The following PLXNA4 variants were observed in gnomAD, a reference collection of about 807,000 sequenced individuals.
PLXNA4 encodes the protein plexin A4, also known as plexin-A4.
A neutral mutation model predicts 191.8 loss-of-function variants in PLXNA4; 44 were observed. The ratio of observed to expected loss-of-function variants is 0.23; its 90% CI spans 0.18 to 0.29. PLXNA4 has a LOEUF of 0.29. Ranked by LOEUF, PLXNA4 falls within the 10% of genes least tolerant of loss-of-function variation. The probability of loss-of-function intolerance (pLI) is 1.00; values close to 1 mark genes in which losing one functional copy is unlikely to be tolerated. For synonymous variants in PLXNA4, 1,082 were observed against 1,009.5 expected (o/e 1.07, Z -1.36); for missense variants, 1,800 against 2,488.8 (o/e 0.72, Z 5.89).
chr7:132,532,381 A>G (rs1205542158), intron 1 of PLXNA4, among the ~76,000 whole-genome samples: 1 of 152,204 alleles, frequency 6.6e-6, no homozygotes, highest in Non-Finnish European at 1.5e-5. Flanking sequence ...GAGAGTTTGC[A>G]TTTCTAGAAA....
chr7:132,286,811 T>C (rs147773216), intron 4 of PLXNA4, among the ~76,000 whole-genome samples: 86 of 152,306 alleles, frequency 5.6e-4, no homozygotes, highest in African/African-American at 1.9e-3. Context: ...AGAGACAACA[T>C]AGCTCTCTCT....
At chr7:132,619,832 G>A (rs1030506344) in intron 2 of PLXNA4, among the ~76,000 whole-genome samples, 5 of 146,580 alleles carry the variant, frequency 3.4e-5, no homozygotes, top group South Asian at 2.2e-4. Flanking sequence ...ACGGAGTCTC[G>A]CTCTATTGCC....
chr7:132,400,132 A>G (rs1167042607), intron 3 of PLXNA4, among the ~76,000 whole-genome samples: 2 of 152,148 alleles, frequency 1.3e-5, no homozygotes, highest in Admixed American at 6.5e-5. Flanking sequence ...ACAAATGCCT[A>G]CCTAGTCTGT....
chr7:132,333,033 C>T (rs914747757), intron 3 of PLXNA4, among the ~76,000 whole-genome samples: 5 of 152,198 alleles, frequency 3.3e-5, no homozygotes, highest in Admixed American at 6.5e-5. Flanking sequence ...CTGTTTACAA[C>T]CCACTAAACT....
intron 3 of PLXNA4, among the ~76,000 whole-genome samples, chr7:132,405,220 G>A (rs1007928884): frequency 2.0e-5 from 3 of 152,158 alleles, no homozygotes; most frequent in Non-Finnish European, 4.4e-5. Flanking sequence ...GGGAGGCAGG[G>A]CAGTGGAGCC....
intron 2 of PLXNA4, among the ~76,000 whole-genome samples, chr7:132,606,242 G>A (rs1261830878): frequency 6.6e-6 from 1 of 152,220 alleles, no homozygotes; most frequent in African/African-American, 2.4e-5. Flanking sequence ...TCTCCTGAGA[G>A]TTCCATAGGG....
In PLXNA4 at chr7:132,268,996, T is replaced by G. The variant is rs543879868; in HGVS notation, c.1504-27830A>C. ...AATACCTCCAAAAGTGGGGGCTATGTAAAAACAAAGTATTATTATTCTATT... is the reference window on the plus strand; with the variant it reads ...AATACCTCCAAAAGTGGGGGCTATGGAAAAACAAAGTATTATTATTCTATT... On this transcript the variant is annotated intron_variant, in intron 4 of 31. Transcript: ENST00000321063. Among the ~76,000 whole-genome samples the G allele has an allele frequency of 4.6e-5, 7 of 152,330 alleles. No homozygotes were observed. The East Asian group carries it at 1.4e-3, about 29-fold the overall frequency.
chr7:132,390,326 C>A (rs1805349456), intron 3 of PLXNA4, among the ~76,000 whole-genome samples: 1 of 152,018 alleles, frequency 6.6e-6, no homozygotes, highest in South Asian at 2.1e-4. Flanking sequence ...AACAGAAAAC[C>A]AAACACTGCA....
intron 5 of PLXNA4, among the ~76,000 whole-genome samples, chr7:132,234,079 G>A (rs185851034): frequency 1.3e-5 from 2 of 152,286 alleles, no homozygotes; most frequent in East Asian, 3.9e-4. Flanking sequence ...CAGAGCAGGA[G>A]TGGAGGGAGG....
At chr7:132,643,796 T>A (rs963249813) in intron 2 of PLXNA4, among the ~76,000 whole-genome samples, 4 of 152,060 alleles carry the variant, frequency 2.6e-5, no homozygotes, top group African/African-American at 7.2e-5. Context: ...AAAAAAATTT[T>A]AAAAAATTAC....
rs1562905112 is a variant in PLXNA4, at chr7:132,183,225, T to TGTGCGC, written c.3159-1036_3159-1035insGCGCAC. ...ACATGCGCGCACACACGCATGTGCG[T>TGTGCGC]GCACACACAGTGTAAGATTCCTGTG... On this transcript the variant is annotated intron_variant, in intron 16 of 31. Transcript: ENST00000321063. Among the ~76,000 whole-genome samples, 5 of 152,126 alleles carry TGTGCGC rather than the reference T, an allele frequency of 3.3e-5. No homozygotes were observed. The South Asian group carries it at 6.2e-4, about 19-fold the overall frequency.
chr7:132,586,013 TAA>T (rs2116819162), intron 2 of PLXNA4, among the ~76,000 whole-genome samples: 2 of 152,334 alleles, frequency 1.3e-5, no homozygotes, highest in South Asian at 4.1e-4. Flanking sequence ...CAAGGAAACG[TAA>T]GAGAGAATAT....
intron 4 of PLXNA4, among the ~76,000 whole-genome samples, chr7:132,269,809 G>A (rs935308683): frequency 6.6e-6 from 1 of 152,084 alleles, no homozygotes; most frequent in Non-Finnish European, 1.5e-5. Flanking sequence ...ACAGGAACAC[G>A]CTGCTGGGAT....
rs1251183976 is a variant in PLXNA4, at chr7:132,124,845, T to C, written c.*5634A>G. 2.0e-5 allele frequency: 3 copies of C among 152,260 alleles called. No individual in the cohort carries two copies. The highest frequency in any genetic ancestry group is 2.0e-4 in the Admixed American group (3 of 15,290). The allele number at this position is 152,260 out of a possible 1,614,324, so 9.4% of individuals were successfully genotyped here. ...GCCAATACAAACAGAAAGTTCTTTT[T>C]GTATATGAAGGATTTTGTTTCGTTT... On this transcript the variant is annotated 3_prime_UTR_variant, in exon 32 of 32. Coordinates refer to ENST00000321063, the MANE Select transcript of PLXNA4 (RefSeq NM_020911.2).
chr7:132,198,840 G>A (rs1797337620), intron 12 of PLXNA4, among the ~76,000 whole-genome samples: 1 of 152,150 alleles, frequency 6.6e-6, no homozygotes, highest in African/African-American at 2.4e-5. Flanking sequence ...GTGTCACTAG[G>A]AGCAGTATGC....
chr7:132,546,428 T>G (rs889716424), intron 1 of PLXNA4, among the ~76,000 whole-genome samples: 6 of 152,180 alleles, frequency 3.9e-5, no homozygotes, highest in Non-Finnish European at 5.9e-5. Flanking sequence ...CCAGTAAAAT[T>G]TTTTTAAGTC....
chr7:132,175,229 C>T (rs1403585951), intron 20 of PLXNA4, among the ~76,000 whole-genome samples: 1 of 151,938 alleles, frequency 6.6e-6, no homozygotes, highest in Non-Finnish European at 1.5e-5. Context: ...GGAGAGACTC[C>T]CCATCTGAAG....
intron 3 of PLXNA4, among the ~76,000 whole-genome samples, chr7:132,439,362 A>T (rs934578903): frequency 5.9e-5 from 9 of 152,240 alleles, no homozygotes; most frequent in African/African-American, 2.2e-4. Flanking sequence ...GCTACACTTT[A>T]GAATACATGA....
chr7:132,267,659 A>T (rs905433857), intron 4 of PLXNA4, among the ~76,000 whole-genome samples: 1 of 152,214 alleles, frequency 6.6e-6, no homozygotes, highest in Non-Finnish European at 1.5e-5. Context: ...GGCTTCTTAT[A>T]TGATATGGAA....
Sources: gnomAD v4.1 joint callset for allele counts (sites outside exome capture counted in the v4.1 genomes callset) on GRCh38, gnomAD v4.1.1 for gene constraint, MANE v1.5 for transcripts, NCBI Gene and HGNC (gene_info 2026-07-23, HGNC 2026-07-21) for gene names.